The following HFM1 variants were observed in gnomAD, a reference collection of about 807,000 sequenced individuals.
HFM1 encodes helicase for meiosis 1, also known as probable ATP-dependent DNA helicase HFM1.
HFM1 carries 169 observed loss-of-function variants against 192.1 expected under a neutral mutation model. The ratio of observed to expected loss-of-function variants is 0.88; its 90% confidence interval spans 0.78 to 1.00. HFM1 has a LOEUF of 1.00. HFM1 is among the 50% of genes least tolerant of loss of function. HFM1 has a pLI of 0.00. For missense variants in HFM1, 1,661 were observed against 1,668.0 expected, an observed-to-expected ratio of 1.00 and a Z score of 0.07; for synonymous variants, 525 against 537.8, an observed-to-expected ratio of 0.98 and a Z score of 0.33.
intron 11 of HFM1, 138 bp from the exon 12 acceptor site, chr1:91,375,865 T>C: frequency 1.5e-6 from 1 of 645,480 alleles, no homozygotes; most frequent in Non-Finnish European, 2.7e-6. Flanking sequence ...CAATATTACA[T>C]ATTCCATTAA....
chr1:91,276,884 C>A (rs184353702), intron 31 of HFM1, 98 bp downstream of exon 31: 2 of 828,634 alleles, frequency 2.4e-6, no homozygotes, highest in Admixed American at 2.6e-5. Flanking sequence ...TATTAAGTTG[C>A]ATAATATAAA....
intron 18 of HFM1, among the ~76,000 whole-genome samples, chr1:91,348,839 A>C (rs1027513432): frequency 5.9e-5 from 9 of 151,962 alleles, no homozygotes; most frequent in African/African-American, 2.2e-4. Context: ...TGAGAAGATC[A>C]CTTGAGCCCA....
chr1:91,274,085 G>T (rs770419695), intron 33 of HFM1, among the ~76,000 whole-genome samples: 94 of 152,050 alleles, frequency 6.2e-4, no homozygotes, highest in Admixed American at 1.4e-3. Context: ...TTCTGTACTA[G>T]TTGTTAAATA....
In HFM1 at chr1:91,313,959, A is replaced by G. The variant is rs1447705724; in HGVS notation, c.3242T>C (p.Phe1081Ser). Residue 1081 changes from phenylalanine to serine, a missense_variant and splice_region_variant, in exon 29 of 39, where the codon TTT (phenylalanine) becomes TCT (serine). Coordinates refer to ENST00000370425, the MANE Select transcript of HFM1 (RefSeq NM_001017975.6). ...CTTCATTACTTCAATTAACTTACCA[A>G]ATTCAGAACTTATTAGATTTATGCT... is the stretch of plus-strand genomic sequence containing the variant. ...DLSINLISSE[F>S]VGLDIQQKLT... The G allele has an allele frequency of 6.5e-7, 1 of 1,541,904 alleles. No homozygotes were observed.
rs141401959 is a variant in HFM1 at position 91,297,904 on chromosome 1, G to A, written c.3391+15445C>T. ...AGCGCCTCTCCTCCTCCAAAGGAAC[G>A]CAGCTCCTCACCAGCAACGGAACAA... On this transcript the variant is annotated intron_variant, in intron 30 of 38. Transcript: ENST00000370425. Among the ~76,000 whole-genome samples the A allele has an allele frequency of 7.3e-3, 1,119 of 152,284 alleles. 17 individuals are homozygous for A. The highest frequency in any genetic ancestry group is 0.025 in the African/African-American group (1,048 of 41,548).
At chr1:91,357,786 G>C (rs573966926) in intron 13 of HFM1, among the ~76,000 whole-genome samples, 19 of 152,218 alleles carry the variant, frequency 1.2e-4, no homozygotes, top group African/African-American at 4.3e-4. Context: ...GAGATTAGTA[G>C]CATTTTTAAA....
rs202246169 is a variant in HFM1 at position 91,382,754 on chromosome 1, A to AAT, written c.803-1773_803-1772insAT. Among the ~76,000 whole-genome samples, 957 of 152,338 alleles carry AAT rather than the reference A, an allele frequency of 6.3e-3. 5 individuals carry two copies. Among genetic ancestry groups the AAT allele is most frequent in the African/African-American group, 0.017 (704 of 41,588 alleles). ...CATTCACAAAATGAATCTTTGATTC[A>AAT]GAGTATAGAATCAGTATTTCAGCTC... On this transcript the variant is annotated intron_variant, in intron 6 of 38. Coordinates refer to ENST00000370425, the MANE Select transcript of HFM1 (RefSeq NM_001017975.6).
intron 36 of HFM1, among the ~76,000 whole-genome samples, chr1:91,262,981 T>C (rs1665307406): frequency 6.6e-6 from 1 of 152,174 alleles, no homozygotes; most frequent in South Asian, 2.1e-4. Flanking sequence ...GTTATCTTAT[T>C]AGATATAACT....
chr1:91,385,814 T>C lies in HFM1; in HGVS notation c.515A>G (p.Asn172Ser), dbSNP rs761655076. The change falls in exon 5 of 39, where the codon AAT (asparagine) becomes AGT (serine). Residue 172 changes from asparagine (N) to serine (S), a missense_variant. Asn to Ser is a conservative substitution (Grantham distance 46). Coordinates refer to ENST00000370425, the MANE Select transcript of HFM1 (RefSeq NM_001017975.6). The stretch of plus-strand genomic sequence containing the variant: ...ATTAGAATAAGCACTCCCATGTATA[T>C]TGTCAGATATTTTAAATAATCTGCA... ...FRKRLFKISD[N>S]IHGSAYSNDN... The C allele has an allele frequency of 1.3e-5, 21 of 1,599,940 alleles. No homozygotes were observed. The highest frequency in any genetic ancestry group is 1.8e-5 in the Non-Finnish European group (21 of 1,172,068).
Position 91,395,132 on chromosome 1 carries a change from C to G in HFM1, c.185-730G>C, listed in dbSNP as rs117730200. 2.1e-3 allele frequency among the ~76,000 whole-genome samples: 320 copies of G among 152,158 alleles called. 7 individuals are homozygous for G. The East Asian group carries it at 0.054, about 26-fold the overall frequency. On this transcript the variant is annotated intron_variant, in intron 3 of 38. Transcript: ENST00000370425. ...ATTTTACTAATATTACATTAGGTCACATACATTGTTTGAGTGTGCTTGTTT... is the reference window on the plus strand; with the variant it reads ...ATTTTACTAATATTACATTAGGTCAGATACATTGTTTGAGTGTGCTTGTTT...
chr1:91,315,984 G>A lies in HFM1; in HGVS notation c.2983-12C>T, dbSNP rs370122580. On this transcript the variant is annotated splice_polypyrimidine_tract_variant and intron_variant, in intron 27 of 38. Transcript: ENST00000370425. ...CTATATCTTGTAATCTTTAAAAAAGGACAAGTATAAAAAGTGTTAAAAATA... is the reference window on the plus strand; with the variant it reads ...CTATATCTTGTAATCTTTAAAAAAGAACAAGTATAAAAAGTGTTAAAAATA... The A allele has an allele frequency of 1.9e-6, 3 of 1,568,034 alleles. No homozygotes were observed. Among genetic ancestry groups the A allele is most frequent in the African/African-American group, 2.7e-5 (2 of 73,526 alleles).
chr1:91,298,991 G>A (rs1648196118), intron 30 of HFM1, among the ~76,000 whole-genome samples: 1 of 152,096 alleles, frequency 6.6e-6, no homozygotes, highest in African/African-American at 2.4e-5. Flanking sequence ...GACACAGACT[G>A]GCAAACTGGA....
At chr1:91,302,446 G>A (rs1452858743) in intron 30 of HFM1, among the ~76,000 whole-genome samples, 1 of 152,046 alleles carries the variant, frequency 6.6e-6, no homozygotes, top group Non-Finnish European at 1.5e-5. Flanking sequence ...TATATCCAAA[G>A]GATTATAAAA....
intron 13 of HFM1, among the ~76,000 whole-genome samples, chr1:91,354,127 T>C (rs1214496548): frequency 1.3e-5 from 2 of 151,700 alleles, no homozygotes; most frequent in Non-Finnish European, 2.9e-5. Flanking sequence ...ATTCATTATC[T>C]GCACAAGAAA....
At chr1:91,348,539 A>T (rs1291454041) in intron 18 of HFM1, among the ~76,000 whole-genome samples, 3 of 152,232 alleles carry the variant, frequency 2.0e-5, no homozygotes, top group Non-Finnish European at 4.4e-5. Flanking sequence ...AAGAGCAAAC[A>T]ATTAGACAAA....
rs749289510 is a variant in HFM1, at chr1:91,319,356, G to A, written c.2617C>T (p.Gln873Ter). The A allele has an allele frequency of 6.2e-7, 1 of 1,612,622 alleles. No homozygotes were observed. The highest frequency in any genetic ancestry group is 8.5e-7 in the Non-Finnish European group (1 of 1,178,744). ...IQAQLGCIPI[Q>*]DFALTQDTAK... ...GTATCTTGTGTCAAAGCAAAATCTT[G>A]TATGGGAATGCATCCTAGTTGAGCC... Residue 873 changes from glutamine to a stop codon, truncating the protein, a stop_gained, in exon 24 of 39, where the codon CAA becomes TAA. Transcript: ENST00000370425. LOFTEE classifies it high-confidence loss of function.
At chr1:91,398,564 T>C (rs753942972) in intron 2 of HFM1, among the ~76,000 whole-genome samples, 6 of 152,222 alleles carry the variant, frequency 3.9e-5, no homozygotes, top group African/African-American at 7.2e-5. Context: ...CTTTCAAAGA[T>C]TGCCAAACTT....
Position 91,267,737 on chromosome 1 carries a change from G to A in HFM1, c.3883+8C>T, listed in dbSNP as rs1665902507. ...AATGAAATGATTGCATGCTAAGTAT[G>A]ATTTTACCTGATATTTTTGTCTTCT... On this transcript the variant is annotated splice_region_variant and intron_variant, in intron 35 of 38. Coordinates refer to ENST00000370425, the MANE Select transcript of HFM1 (RefSeq NM_001017975.6). 1.6e-6 allele frequency: 2 copies of A among 1,218,870 alleles called. No individual in the cohort carries two copies. The highest frequency in any genetic ancestry group is 5.1e-5 in the East Asian group (2 of 39,032). The allele number at this position is 1,218,870 out of a possible 1,614,324, so 75.5% of individuals were successfully genotyped here.
intron 38 of HFM1, 146 bp downstream of exon 38, chr1:91,262,095 C>G (rs1665215412): frequency 1.1e-5 from 5 of 444,214 alleles, no homozygotes; most frequent in Non-Finnish European, 1.6e-5. Flanking sequence ...GAGCTTAGCT[C>G]ACTGAGGTTT....
Sources: gnomAD v4.1 joint callset for allele counts (sites outside exome capture counted in the v4.1 genomes callset) on GRCh38, gnomAD v4.1.1 for gene constraint, MANE v1.5 for transcripts, NCBI Gene and HGNC (gene_info 2026-07-23, HGNC 2026-07-21) for gene names.